KCNIP4: variants seen among roughly 807,000 people sequenced by gnomAD.
KCNIP4 encodes Kv channel-interacting protein 4.
In KCNIP4, 12 loss-of-function variants were observed where a neutral mutation model predicts 34.0. The ratio of observed to expected loss-of-function variants is 0.35; its 90% confidence interval spans 0.23 to 0.57. KCNIP4 has a LOEUF of 0.57. Ranked by LOEUF, KCNIP4 falls within the 20% of genes least tolerant of loss-of-function variation. The pLI is 0.83. For synonymous variants in KCNIP4, 124 were observed against 102.2 expected, an observed-to-expected ratio of 1.21 and a Z score of -1.29; for missense variants, 238 against 311.7, an observed-to-expected ratio of 0.76 and a Z score of 1.78.
intron 1 of KCNIP4, among the ~76,000 whole-genome samples, chr4:21,548,992 G>A (rs1388300093): frequency 6.6e-6 from 1 of 151,782 alleles, no homozygotes; most frequent in Non-Finnish European, 1.5e-5. Context: ...AAGAATCTCT[G>A]GCCTCCACCT....
intron 1 of KCNIP4, among the ~76,000 whole-genome samples, chr4:21,282,694 C>T (rs970559208): frequency 2.0e-5 from 3 of 152,134 alleles, no homozygotes; most frequent in African/African-American, 7.2e-5. Flanking sequence ...ATATTTCTCT[C>T]AATGTGTGCT....
intron 1 of KCNIP4, among the ~76,000 whole-genome samples, chr4:21,907,187 T>C (rs570110635): frequency 2.8e-4 from 42 of 152,250 alleles, no homozygotes; most frequent in African/African-American, 9.6e-4. Context: ...GGAATTAATG[T>C]CACTCTTGAG....
chr4:21,029,906 C>T (rs1740859661), intron 1 of KCNIP4, among the ~76,000 whole-genome samples: 1 of 152,192 alleles, frequency 6.6e-6, no homozygotes, highest in Admixed American at 6.6e-5. Flanking sequence ...ATACAAAAAA[C>T]CTTAGTCTCA....
At chr4:20,757,321 A>G (rs1298943544) in intron 4 of KCNIP4, among the ~76,000 whole-genome samples, 1 of 152,124 alleles carries the variant, frequency 6.6e-6, no homozygotes, top group African/African-American at 2.4e-5. Flanking sequence ...GTAATCTTCT[A>G]ATTAGTCTCC....
chr4:21,362,374 G>A (rs1356699610), intron 1 of KCNIP4, among the ~76,000 whole-genome samples: 3 of 152,028 alleles, frequency 2.0e-5, no homozygotes, highest in Non-Finnish European at 2.9e-5. Context: ...TCTGCCAACT[G>A]CTGTTCATAA....
chr4:21,290,853 A>G (rs1454749868), intron 1 of KCNIP4, among the ~76,000 whole-genome samples: 2 of 152,186 alleles, frequency 1.3e-5, no homozygotes. Context: ...AGGTAGATGT[A>G]AGAGCACATT....
At chr4:21,870,353 GC>G (rs1382416889) in intron 1 of KCNIP4, among the ~76,000 whole-genome samples, 1 of 152,156 alleles carries the variant, frequency 6.6e-6, no homozygotes, top group Non-Finnish European at 1.5e-5. Flanking sequence ...ATAAATTTCT[GC>G]CTTGTGGGGG....
chr4:21,129,108 G>T (rs1750855091), intron 1 of KCNIP4, among the ~76,000 whole-genome samples: 1 of 152,122 alleles, frequency 6.6e-6, no homozygotes, highest in African/African-American at 2.4e-5. Flanking sequence ...CTGTTCTCGT[G>T]GTAGTGAATA....
At chr4:21,522,003 G>T (rs917792787) in intron 1 of KCNIP4, among the ~76,000 whole-genome samples, 1 of 152,198 alleles carries the variant, frequency 6.6e-6, no homozygotes, top group South Asian at 2.1e-4. Context: ...TCCTCTAGAG[G>T]GTGATGGGGA....
intron 1 of KCNIP4, among the ~76,000 whole-genome samples, chr4:21,191,470 C>G (rs1755642339): frequency 6.6e-6 from 1 of 152,138 alleles, no homozygotes; most frequent in African/African-American, 2.4e-5. Flanking sequence ...CCAAGCCCTG[C>G]CGGAGGGTGC....
chr4:20,899,805 A>G (rs1431536340), intron 1 of KCNIP4, among the ~76,000 whole-genome samples: 1 of 152,170 alleles, frequency 6.6e-6, no homozygotes, highest in Non-Finnish European at 1.5e-5. Flanking sequence ...GCCTTATGGA[A>G]AAATCCACTA....
chr4:21,800,519 T>G (rs1390964925), intron 1 of KCNIP4, among the ~76,000 whole-genome samples: 1 of 152,186 alleles, frequency 6.6e-6, no homozygotes, highest in South Asian at 2.1e-4. Context: ...CGTGACTCCC[T>G]AGGCAAAATA....
chr4:21,626,211 G>C lies in KCNIP4; in HGVS notation c.61+322360C>G, dbSNP rs368586686. ...GCAGTTAAGGGAGGAAGTTGTTATA[G>C]AATGAATGTTTGTGTTCCTCCTAAA... is the stretch of plus-strand genomic sequence containing the variant. On this transcript the variant is annotated intron_variant, in intron 1 of 8. Coordinates refer to ENST00000382152, the MANE Select transcript of KCNIP4 (RefSeq NM_025221.6). Among the ~76,000 whole-genome samples, 257 of 152,176 alleles carry C rather than the reference G, an allele frequency of 1.7e-3. 9 individuals are homozygous for C. In the South Asian group the frequency reaches 0.047, roughly 28 times the overall value.
chr4:21,416,768 AT>A (rs1460864729), intron 1 of KCNIP4, among the ~76,000 whole-genome samples: 2 of 152,228 alleles, frequency 1.3e-5, no homozygotes, highest in African/African-American at 4.8e-5. Context: ...GATTTGTAGT[AT>A]AACCATCTTT....
intron 1 of KCNIP4, among the ~76,000 whole-genome samples, chr4:21,029,023 G>A (rs151208950): frequency 7.9e-4 from 120 of 152,264 alleles, no homozygotes; most frequent in African/African-American, 2.6e-3. Context: ...CAGTCTAAGA[G>A]CAATATAAAT....
intron 2 of KCNIP4, among the ~76,000 whole-genome samples, chr4:20,862,596 C>G (rs1280947266): frequency 1.3e-5 from 2 of 152,104 alleles, no homozygotes; most frequent in Non-Finnish European, 2.9e-5. Context: ...AATGCCCTAT[C>G]AAAGGAGTGC....
At chr4:21,117,305 G>GT (rs1266256287) in intron 1 of KCNIP4, among the ~76,000 whole-genome samples, 4 of 40,650 alleles carry the variant, frequency 9.8e-5, no homozygotes, top group Non-Finnish European at 1.7e-4. Context: ...GTTGCCGGGG[G>GT]GGGGGGGGGG....
chr4:21,714,791 T>G (rs1002246432), intron 1 of KCNIP4, among the ~76,000 whole-genome samples: 39 of 950 alleles, frequency 0.041, 1 homozygote, highest in East Asian at 0.17. Context: ...CTTTGATTAT[T>G]TTATTTTATT....
At chr4:21,389,683 T>G (rs1043029009) in intron 1 of KCNIP4, among the ~76,000 whole-genome samples, 3 of 152,016 alleles carry the variant, frequency 2.0e-5, no homozygotes, top group African/African-American at 7.2e-5. Flanking sequence ...TGCCACATTT[T>G]CTTAATCCAG....
Sources: allele counts gnomAD v4.1 joint callset (sites outside exome capture counted in the v4.1 genomes callset), GRCh38; gene constraint gnomAD v4.1.1; transcripts MANE v1.5; gene names NCBI Gene and HGNC (gene_info 2026-07-23, HGNC 2026-07-21).